Variants in SEZ6 observed in about 807,000 individuals in gnomAD.
SEZ6 encodes seizure protein 6 homolog.
In SEZ6, 53 loss-of-function variants were observed where a neutral mutation model predicts 101.0. The observed-to-expected ratio is 0.52, with a 90% CI of 0.42 to 0.66. The LOEUF (loss-of-function observed/expected upper bound fraction) is 0.66, where lower values mean the gene tolerates loss of function less well. Ranked by LOEUF, SEZ6 falls within the 30% of genes least tolerant of loss-of-function variation. SEZ6 has a pLI of 0.00. For missense variants in SEZ6, 1,102 were observed against 1,289.4 expected (o/e 0.85, Z 2.23); for synonymous variants, 488 against 512.2 (o/e 0.95, Z 0.64).
rs1348039538 is a variant in SEZ6 at position 29,005,792 on chromosome 17, C to T, written c.55+23G>A. ...GGCCCCGCTCCCGCCCCCGTCCTGCCGCCGGATGCCGGGGTCCCTTACCGT... is the reference window on the plus strand; with the variant it reads ...GGCCCCGCTCCCGCCCCCGTCCTGCTGCCGGATGCCGGGGTCCCTTACCGT... On this transcript the variant is annotated intron_variant, in intron 1 of 16. Transcript: ENST00000317338. The surrounding 1 kb of genome is among the most constrained non-coding windows in gnomAD (Gnocchi z 4.8). 9 of 1,481,070 alleles carry T rather than the reference C, an allele frequency of 6.1e-6. No homozygotes were observed. Among genetic ancestry groups the T allele is most frequent in the African/African-American group, 1.5e-5 (1 of 68,528 alleles). The allele number at this position is 1,481,070 out of a possible 1,614,324, so 91.7% of individuals were successfully genotyped here. A position where few individuals can be genotyped will look rare whatever the true frequency, so the allele number is the denominator to read the frequency against.
chr17:28,975,865 C>A (rs2041213732), intron 3 of SEZ6, among the ~76,000 whole-genome samples: 1 of 152,220 alleles, frequency 6.6e-6, no homozygotes, highest in Non-Finnish European at 1.5e-5. Context: ...AGAGAGCAGC[C>A]AAGCCAAGAT....
intron 1 of SEZ6, among the ~76,000 whole-genome samples, chr17:28,998,235 G>T (rs1317624573): frequency 6.6e-6 from 1 of 152,082 alleles, no homozygotes; most frequent in Non-Finnish European, 1.5e-5. Context: ...ATGAGCATGG[G>T]GGGCGCTCAG....
intron 4 of SEZ6, among the ~76,000 whole-genome samples, chr17:28,967,983 C>T (rs139734719): frequency 5.1e-4 from 78 of 152,250 alleles, no homozygotes; most frequent in Middle Eastern, 3.4e-3. Flanking sequence ...AGGGGGATGT[C>T]TGTCAGGGCC....
Position 28,979,821 on chromosome 17 carries a change from G to T in SEZ6, c.725-8C>A, listed in dbSNP as rs1360442959. The T allele has an allele frequency of 6.2e-7, 1 of 1,603,958 alleles. No individual in the cohort carries two copies. The highest frequency in any genetic ancestry group is 8.5e-7 in the Non-Finnish European group (1 of 1,175,078). ...AATTCCAGCTACAAGGGCCTGGGAG[G>T]CAGGAGGAGACACAAAGCTAGTGCC... On this transcript the variant is annotated splice_polypyrimidine_tract_variant and splice_region_variant and intron_variant, in intron 2 of 16. Transcript: ENST00000317338.
Position 28,969,895 on chromosome 17 carries a change from G to C in SEZ6, c.916C>G (p.Pro306Ala). The C allele has an allele frequency of 1.3e-6, 2 of 1,544,016 alleles. No homozygotes were observed. Among genetic ancestry groups the C allele is most frequent in the East Asian group, 2.6e-5 (1 of 38,660 alleles). The change falls in exon 4 of 17, where the codon CCT becomes GCT. Residue 306 changes from proline to alanine, a missense_variant. Transcript: ENST00000317338. ...TGGTTGGCCAGGGGCAGTGGGTCAG[G>C]CCCCCCCAGGCCTTCCACAGTCACT... ...ETVTVEGLGGPDPLPLANQSF... is the reference protein window; with the variant it reads ...ETVTVEGLGGADPLPLANQSF...
chr17:28,981,326 TC>T (rs1172591717), intron 2 of SEZ6, 44 bp downstream of exon 2: 6 of 1,507,552 alleles, frequency 4.0e-6, no homozygotes, highest in Non-Finnish European at 1.8e-6. Context: ...CCCCGCAGCC[TC>T]CCCCATCCCC....
At chr17:28,978,003 C>T (rs1282588947) in intron 3 of SEZ6, among the ~76,000 whole-genome samples, 3 of 152,136 alleles carry the variant, frequency 2.0e-5, no homozygotes, top group African/African-American at 4.8e-5. Flanking sequence ...GGGAGGGGCC[C>T]AACAGGGGTA....
rs1038341961 is a variant in SEZ6 at position 29,005,343 on chromosome 17, G to A, written c.55+472C>T. 3.3e-5 allele frequency among the ~76,000 whole-genome samples: 5 copies of A among 152,084 alleles called. No individual in the cohort carries two copies. The South Asian group carries it at 1.0e-3, about 32-fold the overall frequency. ...ATCCGGCCCCGTCTCCCCTCAGTAAGAACACTAGAGGCCCTGGAACCGGCG... is the reference window on the plus strand; with the variant it reads ...ATCCGGCCCCGTCTCCCCTCAGTAAAAACACTAGAGGCCCTGGAACCGGCG... On this transcript the variant is annotated intron_variant, in intron 1 of 16. Transcript: ENST00000317338. The surrounding 1 kb of genome is among the most constrained non-coding windows in gnomAD (Gnocchi z 4.8).
chr17:28,976,278 C>G (rs1298722544), intron 3 of SEZ6, among the ~76,000 whole-genome samples: 1 of 152,188 alleles, frequency 6.6e-6, no homozygotes, highest in Non-Finnish European at 1.5e-5. Context: ...TTCTGGTACC[C>G]CTGAGGCTGG....
rs192883804 is a variant in SEZ6, at chr17:28,980,161, A to G, written c.725-348T>C. Among the ~76,000 whole-genome samples, 21 of 150,256 alleles carry G rather than the reference A, an allele frequency of 1.4e-4. No homozygotes were observed. The East Asian group carries it at 4.1e-3, about 30-fold the overall frequency. ...TGCACCCGGCCCCCTAACATGTGCA[A>G]TCTTATCTCAGTTTTCACAGTAGCT... On this transcript the variant is annotated intron_variant, in intron 2 of 16. Coordinates refer to ENST00000317338, the MANE Select transcript of SEZ6 (RefSeq NM_178860.5).
At position 29,005,078 on chromosome 17, in the gene SEZ6, G is replaced by GGGGTGT. The variant is rs1463533476; in HGVS notation, c.55+736_55+737insACACCC. Among the ~76,000 whole-genome samples, 1 of 137,676 alleles carries GGGGTGT rather than the reference G, an allele frequency of 7.3e-6. No homozygotes were observed. Among genetic ancestry groups the GGGGTGT allele is most frequent in the African/African-American group, 2.8e-5 (1 of 36,066 alleles). The allele number at this position is 137,676 out of a possible 152,430, so 90.3% of individuals were successfully genotyped here. ...GGAGGGAGGCAGAGCTCGGGGCAGTGGTGTGTGTGTGTGTGTGTGTGTGTG... is the reference window on the plus strand; with the variant it reads ...GGAGGGAGGCAGAGCTCGGGGCAGTGGGGTGTGTGTGTGTGTGTGTGTGTGTGTGTG... On this transcript the variant is annotated intron_variant, in intron 1 of 16. Transcript: ENST00000317338. The surrounding 1 kb of genome is among the most constrained non-coding windows in gnomAD (Gnocchi z 4.8).
intron 2 of SEZ6, among the ~76,000 whole-genome samples, chr17:28,981,026 G>T (rs756259080): frequency 5.3e-5 from 8 of 152,196 alleles, no homozygotes; most frequent in East Asian, 1.9e-4. Flanking sequence ...CTCCCGAGTA[G>T]CTGGGATTAC....
At chr17:28,960,291 G>C in intron 7 of SEZ6, 1 of 656,606 alleles carries the variant, frequency 1.5e-6, no homozygotes, top group South Asian at 1.9e-5. Flanking sequence ...CATAGGGCCT[G>C]GGTCCAGGCA....
intron 1 of SEZ6, among the ~76,000 whole-genome samples, chr17:29,002,967 C>T (rs2041634653): frequency 6.6e-6 from 1 of 152,120 alleles, no homozygotes; most frequent in South Asian, 2.1e-4. Context: ...TCTATCACCA[C>T]ATTCTCAAGT....
intron 14 of SEZ6, 53 bp downstream of exon 14, chr17:28,956,666 T>C (rs1362663730): frequency 6.4e-7 from 1 of 1,551,364 alleles, no homozygotes; most frequent in Non-Finnish European, 8.7e-7. Context: ...CTGGGAGCCG[T>C]GAGAACCAGG....
chr17:28,999,323 T>C (rs1428353708), intron 1 of SEZ6, among the ~76,000 whole-genome samples: 12 of 152,142 alleles, frequency 7.9e-5, no homozygotes, highest in Non-Finnish European at 7.4e-5. Flanking sequence ...CCTAGCATCC[T>C]CATGGCATCT....
intron 4 of SEZ6, among the ~76,000 whole-genome samples, chr17:28,965,904 T>A (rs1168263803): frequency 6.7e-6 from 1 of 149,400 alleles, no homozygotes; most frequent in Non-Finnish European, 1.5e-5. Flanking sequence ...TTTGGGAGGC[T>A]GAGGTGGACG....
chr17:28,976,788 C>G (rs1261284176), intron 3 of SEZ6, among the ~76,000 whole-genome samples: 1 of 152,224 alleles, frequency 6.6e-6, no homozygotes, highest in East Asian at 1.9e-4. Context: ...CCTTCAAGGG[C>G]CAGGCCTGCC....
rs372473677 is a variant in SEZ6 at position 28,969,864 on chromosome 17, A to G, written c.947T>C (p.Phe316Ser). ...GCGGATGACTTGGCCCCGCAGCAGG[A>G]AAGACTGGTTGGCCAGGGGCAGTGG... The part of the protein sequence containing the change: ...PDPLPLANQS[F>S]LLRGQVIRSP... Residue 316 changes from phenylalanine to serine, a missense_variant, in exon 4 of 17, where the codon TTC becomes TCC. Around this residue, in one of 3 missense-constraint regions of SEZ6, gnomAD observed 406 missense variants for 418.6 expected, o/e 0.97. Transcript: ENST00000317338. 6 of 1,537,500 alleles carry G rather than the reference A, an allele frequency of 3.9e-6. No homozygotes were observed. Among genetic ancestry groups the G allele is most frequent in the Admixed American group, 2.4e-5 (1 of 42,230 alleles).
Sources: allele counts gnomAD v4.1 joint callset (sites outside exome capture counted in the v4.1 genomes callset), GRCh38; gene constraint gnomAD v4.1.1; regional missense constraint gnomAD v4.1.1; non-coding constraint Gnocchi (gnomAD v3.1); transcripts MANE v1.5; gene names NCBI Gene and HGNC (gene_info 2026-07-23, HGNC 2026-07-21).